The following TMEM117 variants were observed in gnomAD, a reference collection of about 807,000 sequenced individuals.
TMEM117 encodes the protein transmembrane protein 117.
A neutral mutation model predicts 52.4 loss-of-function variants in TMEM117; 27 were observed. The ratio of observed to expected loss-of-function variants is 0.51; its 90% CI spans 0.38 to 0.71. The LOEUF is 0.71. Ranked by LOEUF, TMEM117 falls within the 30% of genes least tolerant of loss-of-function variation. The pLI, the probability that TMEM117 is intolerant of heterozygous loss-of-function variation, is 0.00. For synonymous variants in TMEM117, 215 were observed against 206.3 expected (o/e 1.04, Z -0.36); for missense variants, 556 against 630.5 (o/e 0.88, Z 1.26).
At chr12:44,378,106 G>C (rs1951967445) in intron 7 of TMEM117, among the ~76,000 whole-genome samples, 1 of 151,586 alleles carries the variant, frequency 6.6e-6, no homozygotes, top group South Asian at 2.1e-4. Flanking sequence ...ATATCCCTTT[G>C]GGGGGGGCTT....
At chr12:43,840,519 G>C (rs184623696) in intron 1 of TMEM117, among the ~76,000 whole-genome samples, 10 of 152,292 alleles carry the variant, frequency 6.6e-5, no homozygotes, top group Non-Finnish European at 1.3e-4. Context: ...CGCTTTGTTT[G>C]CCTTAGCGGA....
chr12:44,244,071 T>C (rs1307018769), intron 5 of TMEM117, among the ~76,000 whole-genome samples: 1 of 152,048 alleles, frequency 6.6e-6, no homozygotes, highest in African/African-American at 2.4e-5. Flanking sequence ...TTGTGAATAA[T>C]GCTACAGTAA....
chr12:43,813,231 GT>G, the TMEM117 span, among the ~76,000 whole-genome samples: 318 of 62,640 alleles, frequency 5.1e-3, 2 homozygotes, highest in African/African-American at 0.014. Flanking sequence ...GTTTTCTCTT[GT>G]TTTTTTTTTT....
intron 2 of TMEM117, among the ~76,000 whole-genome samples, chr12:43,854,450 G>GAA: frequency 7.5e-6 from 1 of 133,844 alleles, no homozygotes; most frequent in African/African-American, 2.7e-5. Context: ...TTATCCTACT[G>GAA]AAAAAAAAAA....
intron 3 of TMEM117, among the ~76,000 whole-genome samples, chr12:44,121,347 A>G (rs1948230990): frequency 6.6e-6 from 1 of 152,134 alleles, no homozygotes; most frequent in East Asian, 1.9e-4. Flanking sequence ...CATGGGTTTG[A>G]ACTGTATCAA....
chr12:43,836,709 AT>A lies in TMEM117; in HGVS notation c.-29+521del, dbSNP rs1243570403. On this transcript the variant is annotated intron_variant, in intron 1 of 7. Transcript: ENST00000266534. ...AACTTCATCGTGACTAAATAAAACT[AT>A]TTTTTTTCATTCCTATTTTTGAAAA... is the stretch of plus-strand genomic sequence containing the variant. Among the ~76,000 whole-genome samples the A allele has an allele frequency of 1.1e-4, 17 of 151,726 alleles. No individual in the cohort carries two copies. The South Asian group carries it at 1.5e-3, about 13-fold the overall frequency.
chr12:43,864,311 C>G (rs1260563535), intron 2 of TMEM117, among the ~76,000 whole-genome samples: 1 of 152,240 alleles, frequency 6.6e-6, no homozygotes, highest in East Asian at 1.9e-4. Context: ...TGGCAGGCAG[C>G]TCTATCTGCA....
At position 43,845,309 on chromosome 12, in the gene TMEM117, AAAAT is replaced by A. The variant is rs200464010; in HGVS notation, c.277+383_277+386del. On this transcript the variant is annotated intron_variant, in intron 2 of 7. Coordinates refer to ENST00000266534, the MANE Select transcript of TMEM117 (RefSeq NM_032256.3). Reference sequence around the variant, plus strand: ...AACCTCATCTCTACTAAAAATACAAAAAATAGCCAGGCGTGGTGGCACATGTTTG... The same window carrying A: ...AACCTCATCTCTACTAAAAATACAAAAGCCAGGCGTGGTGGCACATGTTTG... Among the ~76,000 whole-genome samples, 1,040 of 152,012 alleles carry A rather than the reference AAAAT, an allele frequency of 6.8e-3. 14 individuals carry two copies. Among genetic ancestry groups the A allele is most frequent in the African/African-American group, 0.024 (988 of 41,456 alleles).
the TMEM117 span, among the ~76,000 whole-genome samples, chr12:43,818,902 A>C: frequency 6.6e-6 from 1 of 152,168 alleles, no homozygotes; most frequent in African/African-American, 2.4e-5. Flanking sequence ...TCTTCCTATA[A>C]CTTTCTTTTT....
At chr12:44,220,752 G>T (rs1459233497) in intron 5 of TMEM117, among the ~76,000 whole-genome samples, 1 of 152,138 alleles carries the variant, frequency 6.6e-6, no homozygotes, top group African/African-American at 2.4e-5. Flanking sequence ...AAAACAGAAT[G>T]ATGGAGCATT....
At chr12:44,266,284 T>G (rs1950376494) in intron 5 of TMEM117, among the ~76,000 whole-genome samples, 1 of 152,148 alleles carries the variant, frequency 6.6e-6, no homozygotes, top group African/African-American at 2.4e-5. Flanking sequence ...TCTATCCTCT[T>G]AAACATTTAT....
At chr12:43,847,226 T>G (rs1481861796) in intron 2 of TMEM117, among the ~76,000 whole-genome samples, 1 of 152,174 alleles carries the variant, frequency 6.6e-6, no homozygotes, top group Non-Finnish European at 1.5e-5. Flanking sequence ...TTCTGTGGTC[T>G]GGGACTTAAG....
Position 44,197,972 on chromosome 12 carries a change from C to T in TMEM117, c.511-13318C>T, listed in dbSNP as rs1592598870. Among the ~76,000 whole-genome samples, 3 of 152,132 alleles carry T rather than the reference C, an allele frequency of 2.0e-5. No individual in the cohort carries two copies. The South Asian group carries it at 6.2e-4, about 32-fold the overall frequency. On this transcript the variant is annotated intron_variant, in intron 4 of 7. Transcript: ENST00000266534. ...AATACATTCCAGGTTTAATGTTCACCAGTAGGTGTTTGCCAGTGATTTTAA... is the reference window on the plus strand; with the variant it reads ...AATACATTCCAGGTTTAATGTTCACTAGTAGGTGTTTGCCAGTGATTTTAA...
Position 44,211,308 on chromosome 12 carries a change from C to T in TMEM117, c.529C>T (p.Gln177Ter), listed in dbSNP as rs749084213. 1 of 1,611,168 alleles carries T rather than the reference C, an allele frequency of 6.2e-7. No homozygotes were observed. Among genetic ancestry groups the T allele is most frequent in the Non-Finnish European group, 8.5e-7 (1 of 1,178,866 alleles). ...TAWMVTDMML[Q>*]DKPYPDWGKS... ...GCTTCAGGTCACTGATATGATGCTTCAGGACAAACCCTATCCTGACTGGGG... is the reference window on the plus strand; with the variant it reads ...GCTTCAGGTCACTGATATGATGCTTTAGGACAAACCCTATCCTGACTGGGG... Residue 177 changes from glutamine to a stop codon, truncating the protein, a stop_gained, in exon 5 of 8, where the codon CAG (glutamine) becomes TAG (stop). Transcript: ENST00000266534. LOFTEE classifies it high-confidence loss of function.
At chr12:44,157,914 T>C (rs948708944) in intron 4 of TMEM117, among the ~76,000 whole-genome samples, 1 of 152,168 alleles carries the variant, frequency 6.6e-6, no homozygotes, top group Non-Finnish European at 1.5e-5. Flanking sequence ...AAACTTTGTC[T>C]CATAATTTTC....
chr12:44,341,677 A>G (rs1414398752), intron 6 of TMEM117, among the ~76,000 whole-genome samples: 2 of 152,104 alleles, frequency 1.3e-5, no homozygotes, highest in Non-Finnish European at 2.9e-5. Flanking sequence ...AGGAGAGACA[A>G]CCATGGCATG....
Position 44,228,292 on chromosome 12 carries a change from A to G in TMEM117, c.608+16905A>G, listed in dbSNP as rs189541275. 7.8e-3 allele frequency among the ~76,000 whole-genome samples: 1,180 copies of G among 152,218 alleles called. 5 individuals are homozygous for G. Among genetic ancestry groups the G allele is most frequent in the Non-Finnish European group, 0.01 (689 of 67,988 alleles). On this transcript the variant is annotated intron_variant, in intron 5 of 7. Coordinates refer to ENST00000266534, the MANE Select transcript of TMEM117 (RefSeq NM_032256.3). ...AACTATAAAGGAAACAGAGGACATG[A>G]AAAAAAGTAGATAGATTCTAGAAAT...
At chr12:43,995,646 T>C (rs767773964) in intron 3 of TMEM117, among the ~76,000 whole-genome samples, 5 of 152,248 alleles carry the variant, frequency 3.3e-5, no homozygotes, top group Non-Finnish European at 5.9e-5. Context: ...CAATATACAC[T>C]GTACCCAATA....
intron 4 of TMEM117, among the ~76,000 whole-genome samples, chr12:44,151,546 C>T (rs545403429): frequency 3.9e-5 from 5 of 127,302 alleles, no homozygotes; most frequent in East Asian, 2.7e-4. Flanking sequence ...GTGTGATGTT[C>T]CCCTTCCTGT....
Sources: allele counts gnomAD v4.1 joint callset (sites outside exome capture counted in the v4.1 genomes callset), GRCh38; gene constraint gnomAD v4.1.1; transcripts MANE v1.5; gene names NCBI Gene and HGNC (gene_info 2026-07-23, HGNC 2026-07-21).